DAGLB: variants seen among roughly 807,000 people sequenced by gnomAD.
DAGLB encodes the protein diacylglycerol lipase-beta.
Under a neutral mutation model 72.1 loss-of-function variants are expected in DAGLB, and 66 were observed. That is an observed-to-expected ratio of 0.92 (90% CI 0.75 to 1.12). The LOEUF (loss-of-function observed/expected upper bound fraction) is 1.12, where lower values mean the gene tolerates loss of function less well. DAGLB is among the 50% of genes most tolerant of loss of function. The probability of loss-of-function intolerance (pLI) is 0.00; values close to 1 mark genes in which losing one functional copy is unlikely to be tolerated. For synonymous variants in DAGLB, 414 were observed against 359.5 expected (o/e 1.15, Z -1.71); for missense variants, 1,065 against 884.9 (o/e 1.20, Z -2.58).
intron 1 of DAGLB, among the ~76,000 whole-genome samples, chr7:6,446,312 C>CAA (rs11315985): frequency 1.6e-5 from 2 of 123,400 alleles, no homozygotes; most frequent in South Asian, 2.7e-4. Flanking sequence ...ACGAAAAATA[C>CAA]AAAAAAAAAA....
chr7:6,417,980 C>T (rs1035153266), intron 9 of DAGLB, among the ~76,000 whole-genome samples: 2 of 152,086 alleles, frequency 1.3e-5, no homozygotes, highest in Non-Finnish European at 2.9e-5. Context: ...AAGCAATTCT[C>T]CTGCCTCAGC....
Position 6,409,810 on chromosome 7 carries a change from TC to T in DAGLB, c.*26del, listed in dbSNP as rs1311757725. ...AAGGACAAAAGCGTGAGTCCATCGT[TC>T]CTGGGACAGTTTCCAGTGGCCCTGG... On this transcript the variant is annotated 3_prime_UTR_variant, in exon 15 of 15. Transcript: ENST00000297056. 1.9e-6 allele frequency: 3 copies of T among 1,609,154 alleles called. No homozygotes were observed. Among genetic ancestry groups the T allele is most frequent in the Non-Finnish European group, 2.5e-6 (3 of 1,177,436 alleles).
At chr7:6,426,380 C>G (rs776639269) in intron 6 of DAGLB, among the ~76,000 whole-genome samples, 9 of 152,266 alleles carry the variant, frequency 5.9e-5, no homozygotes, top group Non-Finnish European at 1.0e-4. Context: ...GGCGATTCCC[C>G]TGCCTCAGCC....
chr7:6,423,830 A>G (rs1784214164), intron 8 of DAGLB, among the ~76,000 whole-genome samples: 2 of 151,920 alleles, frequency 1.3e-5, no homozygotes, highest in Non-Finnish European at 2.9e-5. Flanking sequence ...CTTGTGATCC[A>G]CCCACCTTGG....
In DAGLB at chr7:6,412,890, A is replaced by G. The variant is rs1295746035; in HGVS notation, c.1497-7T>C. ...CAAGTTGGTCACACTGAGCCTGTTT[A>G]GCAAAGGGGCACACTGAGGCTGGGA... On this transcript the variant is annotated splice_region_variant and splice_polypyrimidine_tract_variant and intron_variant, in intron 12 of 14. Coordinates refer to ENST00000297056, the MANE Select transcript of DAGLB (RefSeq NM_139179.4). 4 of 1,610,618 alleles carry G rather than the reference A, an allele frequency of 2.5e-6. No homozygotes were observed. Among genetic ancestry groups the G allele is most frequent in the African/African-American group, 2.7e-5 (2 of 74,842 alleles).
chr7:6,447,916 G>T lies in DAGLB; in HGVS notation c.-74C>A, dbSNP rs114670821. The T allele has an allele frequency of 2.2e-5, 33 of 1,482,284 alleles. No homozygotes were observed. The highest frequency in any genetic ancestry group is 1.8e-4 in the Middle Eastern group (1 of 5,680). The allele number at this position is 1,482,284 out of a possible 1,614,324, so 91.8% of individuals were successfully genotyped here. A position where few individuals can be genotyped will look rare whatever the true frequency, so the allele number is the denominator to read the frequency against. On this transcript the variant is annotated 5_prime_UTR_variant, in exon 1 of 15. Coordinates refer to ENST00000297056, the MANE Select transcript of DAGLB (RefSeq NM_139179.4). The stretch of plus-strand genomic sequence containing the variant: ...ACCGAGAACAAACCAGCACCCTCCG[G>T]ACGCCGCCACCAAATTATCGGCGCT...
chr7:6,445,762 C>T (rs1452979620), intron 2 of DAGLB, 191 bp downstream of exon 2: 1 of 606,136 alleles, frequency 1.6e-6, no homozygotes, highest in East Asian at 3.3e-5. Context: ...TGTGTCCCGC[C>T]TGGTACAGGA....
Position 6,417,152 on chromosome 7 carries a change from TAGGG to T in DAGLB, c.1219-235_1219-232del, listed in dbSNP as rs1783945214. 1.0e-5 allele frequency: 5 copies of T among 500,136 alleles called. No homozygotes were observed. In the South Asian group the frequency reaches 1.1e-4, roughly 11 times the overall value. The allele number at this position is 500,136 out of a possible 1,614,324, so 31.0% of individuals were successfully genotyped here. A position where few individuals can be genotyped will look rare whatever the true frequency, so the allele number is the denominator to read the frequency against. On this transcript the variant is annotated intron_variant, in intron 9 of 14. Transcript: ENST00000297056. ...GGCGCACGCTTGTAATCCCAGCACT[TAGGG>T]AGGCCAAGGCAGGAGGACACTTGAG...
intron 2 of DAGLB, 25 bp from the exon 3 acceptor site, chr7:6,436,558 T>C (rs1345690240): frequency 6.2e-7 from 1 of 1,613,372 alleles, no homozygotes. Flanking sequence ...ACGTTCCGAC[T>C]GCTCAGTTGC....
chr7:6,437,043 G>T (rs1449587778), intron 2 of DAGLB, among the ~76,000 whole-genome samples: 1 of 151,574 alleles, frequency 6.6e-6, no homozygotes, highest in African/African-American at 2.4e-5. Flanking sequence ...CTAGCTACTT[G>T]CGAGGGAGGC....
intron 5 of DAGLB, among the ~76,000 whole-genome samples, chr7:6,432,185 T>G (rs1220846670): frequency 6.6e-6 from 1 of 151,840 alleles, no homozygotes; most frequent in East Asian, 1.9e-4. Context: ...ACCCCATCTC[T>G]ACTAAAAATA....
At position 6,434,832 on chromosome 7, in the gene DAGLB, C is replaced by T. The variant is rs1784603575; in HGVS notation, c.608G>A (p.Cys203Tyr). The T allele has an allele frequency of 6.2e-7, 1 of 1,614,188 alleles. No individual in the cohort carries two copies. Among genetic ancestry groups the T allele is most frequent in the Non-Finnish European group, 8.5e-7 (1 of 1,180,038 alleles). ...WETRIKLLCC[C>Y]IGKDDHTRVA... Reference sequence around the variant, plus strand: ...CCGAGTATGGTCGTCTTTCCCAATGCAACAGCACAAGAGCTTGATTCTGGT... The same window carrying T: ...CCGAGTATGGTCGTCTTTCCCAATGTAACAGCACAAGAGCTTGATTCTGGT... Residue 203 changes from cysteine (C) to tyrosine (Y), a missense_variant, in exon 4 of 15, where the codon TGC becomes TAC. Physicochemically the swap from Cys to Tyr is radical, Grantham distance 194 (BLOSUM62 -2). Coordinates refer to ENST00000297056, the MANE Select transcript of DAGLB (RefSeq NM_139179.4).
chr7:6,428,033 A>T (rs1303928991), intron 6 of DAGLB, among the ~76,000 whole-genome samples: 8 of 152,242 alleles, frequency 5.3e-5, no homozygotes. Flanking sequence ...TTAATGTAGA[A>T]GAAATGATGA....
chr7:6,446,809 C>G (rs1334457732), intron 1 of DAGLB, among the ~76,000 whole-genome samples: 1 of 152,080 alleles, frequency 6.6e-6, no homozygotes, highest in Non-Finnish European at 1.5e-5. Context: ...AAGAGTTGGA[C>G]ACTAGCCTGG....
rs368386048 is a variant in DAGLB, at chr7:6,436,332, G to A, written c.419+30C>T. 4.4e-6 allele frequency: 7 copies of A among 1,584,810 alleles called. No individual in the cohort carries two copies. The African/African-American group carries it at 6.8e-5, about 15-fold the overall frequency. On this transcript the variant is annotated intron_variant, in intron 3 of 14. Transcript: ENST00000297056. ...TGTTCACCTATGCCTCAAATCCACTGAAACTCAAAGAGAAGAAGGGAGATG... is the reference window on the plus strand; with the variant it reads ...TGTTCACCTATGCCTCAAATCCACTAAAACTCAAAGAGAAGAAGGGAGATG...
rs368426784 is a variant in DAGLB at position 6,410,122 on chromosome 7, G to T, written c.1820+8C>A. ...GCCTGCCCACCACACCCACCACGCC[G>T]CACTCACCGCCCCGAGGCGCCCTCC... is the stretch of plus-strand genomic sequence containing the variant. On this transcript the variant is annotated splice_region_variant and intron_variant, in intron 14 of 14. Transcript: ENST00000297056. The T allele has an allele frequency of 1.3e-6, 2 of 1,574,130 alleles. No homozygotes were observed. Among genetic ancestry groups the T allele is most frequent in the East Asian group, 2.3e-5 (1 of 44,338 alleles).
At chr7:6,415,164 TAA>T (rs375211033) in intron 11 of DAGLB, among the ~76,000 whole-genome samples, 23 of 139,704 alleles carry the variant, frequency 1.6e-4, no homozygotes, top group Admixed American at 2.2e-4. Context: ...CTGTGTCAAT[TAA>T]AAAAAAAAAA....
At chr7:6,415,168 A>G (rs552515874) in intron 11 of DAGLB, among the ~76,000 whole-genome samples, 1 of 152,140 alleles carries the variant, frequency 6.6e-6, no homozygotes, top group Non-Finnish European at 1.5e-5. Flanking sequence ...GTCAATTAAA[A>G]AAAAAAAAAA....
At chr7:6,432,659 TAAAA>T (rs777686699) in intron 5 of DAGLB, among the ~76,000 whole-genome samples, 174 bp downstream of exon 5, 1 of 41,368 alleles carries the variant, frequency 2.4e-5, no homozygotes, top group Non-Finnish European at 5.0e-5. Context: ...GACTCCGTCT[TAAAA>T]AAAAAAAAAA....
Sources: gnomAD v4.1 joint callset for allele counts (sites outside exome capture counted in the v4.1 genomes callset) on GRCh38, gnomAD v4.1.1 for gene constraint, MANE v1.5 for transcripts, NCBI Gene and HGNC (gene_info 2026-07-23, HGNC 2026-07-21) for gene names.